Variants in LMBR1L observed in about 807,000 individuals in gnomAD.
LMBR1L encodes limb development membrane protein 1 like.
Under a neutral mutation model 67.3 loss-of-function variants are expected in LMBR1L, and 47 were observed. That is an observed-to-expected ratio of 0.70 (90% confidence interval 0.55 to 0.89). LMBR1L has a LOEUF of 0.89. Ranked by LOEUF, LMBR1L falls within the 40% of genes least tolerant of loss-of-function variation. LMBR1L has a pLI of 0.00. For missense variants in LMBR1L, 533 were observed against 599.2 expected (o/e 0.89, Z 1.15); for synonymous variants, 247 against 250.3 (o/e 0.99, Z 0.13).
At chr12:49,098,220 C>A in intron 15 of LMBR1L, 115 bp from the exon 16 acceptor site, 1 of 1,116,706 alleles carries the variant, frequency 9.0e-7, no homozygotes, top group Admixed American at 2.1e-5. Flanking sequence ...GATAGGTTGG[C>A]CTCTCCCAAT....
At chr12:49,101,385 C>A (rs539678777) in intron 12 of LMBR1L, 62 bp from the exon 13 acceptor site, 132 of 1,604,608 alleles carry the variant, frequency 8.2e-5, no homozygotes, top group Non-Finnish European at 1.1e-4. Flanking sequence ...CGGCACCCAG[C>A]CTTCCCACTG....
intron 15 of LMBR1L, among the ~76,000 whole-genome samples, chr12:49,099,828 G>A (rs956764294): frequency 2.0e-5 from 3 of 152,060 alleles, no homozygotes; most frequent in Admixed American, 2.0e-4. Flanking sequence ...TGATCCGCCC[G>A]CCTTGGCCTC....
chr12:49,103,601 C>T (rs944295245), intron 6 of LMBR1L, 86 bp downstream of exon 6: 2 of 1,485,432 alleles, frequency 1.3e-6, no homozygotes, highest in Non-Finnish European at 1.8e-6. Context: ...CAACATTTTC[C>T]ACTTTAGAAG....
At position 49,097,723 on chromosome 12, in the gene LMBR1L, C is replaced by A. The variant is rs575143385; in HGVS notation, c.1419G>T (p.Pro473=). ...LIRAFGLDRL[P]LPVSGFPQAS... The stretch of plus-strand genomic sequence containing the variant: ...CCTGGGGGAAACCGGAGACGGGCAG[C>A]GGCAGTCTGTCCAGCCCTGGAGAAG... Residue 473 remains proline (P), a synonymous_variant, in exon 17 of 17, where the codon CCG becomes CCT. Coordinates refer to ENST00000267102, the MANE Select transcript of LMBR1L (RefSeq NM_018113.4). 6.2e-7 allele frequency: 1 copy of A among 1,613,942 alleles called. No individual in the cohort carries two copies.
In LMBR1L at chr12:49,105,977, G is replaced by A. The variant is rs376068573; in HGVS notation, c.158-20C>T. The A allele has an allele frequency of 1.0e-4, 164 of 1,611,520 alleles. 2 individuals carry two copies. The highest frequency in any genetic ancestry group is 4.4e-4 in the Admixed American group (26 of 59,600). ...CATCCACTGTAAGAGACAGAGGCAC[G>A]GGGAACAGGCAGGAGGACATCAGGG... On this transcript the variant is annotated intron_variant, in intron 2 of 16. Coordinates refer to ENST00000267102, the MANE Select transcript of LMBR1L (RefSeq NM_018113.4).
Position 49,098,102 on chromosome 12 carries a change from A to G in LMBR1L, c.1244T>C (p.Leu415Pro). 6.2e-7 allele frequency: 1 copy of G among 1,612,544 alleles called. No homozygotes were observed. Among genetic ancestry groups the G allele is most frequent in the Non-Finnish European group, 8.5e-7 (1 of 1,178,770 alleles). ...GTCACCCAGCAGGTCAAAGCGAGTG[A>G]GCCCTGAAGCACAAAGGCCAGGATG... ...ALPVFSRTLG[L>P]TRFDLLGDFG... The change falls in exon 16 of 17, where the codon CTC becomes CCC. Residue 415 changes from leucine (L) to proline (P), a missense_variant. By Grantham distance (98) the Leu-to-Pro change is moderately conservative. Around this residue, in one of 3 missense-constraint regions of LMBR1L, gnomAD observed 223 missense variants for 241.2 expected, o/e 0.92. Coordinates refer to ENST00000267102, the MANE Select transcript of LMBR1L (RefSeq NM_018113.4).
At position 49,097,557 on chromosome 12, in the gene LMBR1L, G is replaced by T; in HGVS notation, c.*115C>A. Reference sequence around the variant, plus strand: ...AGTGCAGATGGCTCTGCTCCCCTCTGCCACCCACCCTCTCAGATTCCAGGT... The same window carrying T: ...AGTGCAGATGGCTCTGCTCCCCTCTTCCACCCACCCTCTCAGATTCCAGGT... On this transcript the variant is annotated 3_prime_UTR_variant, in exon 17 of 17. Transcript: ENST00000267102. 1 of 1,068,138 alleles carries T rather than the reference G, an allele frequency of 9.4e-7. No individual in the cohort carries two copies. 66.2% of individuals were successfully genotyped at this position (1,068,138 alleles called of 1,614,324 possible). A position where few individuals can be genotyped will look rare whatever the true frequency, so the allele number is the denominator to read the frequency against.
In LMBR1L at chr12:49,110,613, G is replaced by A. The variant is rs959421227; in HGVS notation, c.-58C>T. ...TCTGGGCCCGGGGAGGACGAGCGGGGAGGAAGCCGCCGCCGCCAAGCACCC... is the reference window on the plus strand; with the variant it reads ...TCTGGGCCCGGGGAGGACGAGCGGGAAGGAAGCCGCCGCCGCCAAGCACCC... On this transcript the variant is annotated 5_prime_UTR_variant, in exon 1 of 17. Coordinates refer to ENST00000267102, the MANE Select transcript of LMBR1L (RefSeq NM_018113.4). 5 of 1,525,640 alleles carry A rather than the reference G, an allele frequency of 3.3e-6. No homozygotes were observed. The African/African-American group carries it at 6.8e-5, about 21-fold the overall frequency. 94.5% of individuals were successfully genotyped at this position (1,525,640 alleles called of 1,614,324 possible).
In LMBR1L at chr12:49,102,153, G is replaced by A; in HGVS notation, c.897C>T (p.Tyr299=). 2 of 1,614,176 alleles carry A rather than the reference G, an allele frequency of 1.2e-6. No homozygotes were observed. The highest frequency in any genetic ancestry group is 1.7e-6 in the Non-Finnish European group (2 of 1,180,032). ...KASAWQRNLG[Y]PLAMLCLLVL... ...CCAGCAAGCACAGCATAGCCAGGGG[G>A]TAGCCCAGGTTCCGTTGCCAGGCTG... is the stretch of plus-strand genomic sequence containing the variant. The change falls in exon 11 of 17, where the codon TAC becomes TAT. Residue 299 remains tyrosine (Y), a synonymous_variant. Coordinates refer to ENST00000267102, the MANE Select transcript of LMBR1L (RefSeq NM_018113.4).
chr12:49,109,264 G>A (rs1941270835), intron 1 of LMBR1L, among the ~76,000 whole-genome samples: 1 of 152,168 alleles, frequency 6.6e-6, no homozygotes, highest in African/African-American at 2.4e-5. Flanking sequence ...CTGTTCTCTA[G>A]GAATTTGAGC....
chr12:49,105,011 G>A, intron 3 of LMBR1L, 126 bp from the exon 4 acceptor site: 1 of 1,077,752 alleles, frequency 9.3e-7, no homozygotes, highest in Non-Finnish European at 1.3e-6. Flanking sequence ...CAGAGCTAAG[G>A]AAGGAGCTGT....
At position 49,097,449 on chromosome 12, in the gene LMBR1L, C is replaced by T; in HGVS notation, c.*223G>A. ...GGATCAGGGGCTAGACCCAGTCACC[C>T]AGCCCTACCCCATGCTGAGGCCACA... On this transcript the variant is annotated 3_prime_UTR_variant, in exon 17 of 17. Coordinates refer to ENST00000267102, the MANE Select transcript of LMBR1L (RefSeq NM_018113.4). The T allele has an allele frequency of 3.5e-6, 2 of 572,576 alleles. No homozygotes were observed. The highest frequency in any genetic ancestry group is 6.3e-6 in the Non-Finnish European group (2 of 318,942). 35.5% of individuals were successfully genotyped at this position (572,576 alleles called of 1,614,324 possible).
At chr12:49,107,309 A>C (rs979754979) in intron 1 of LMBR1L, among the ~76,000 whole-genome samples, 1 of 152,236 alleles carries the variant, frequency 6.6e-6, no homozygotes, top group Non-Finnish European at 1.5e-5. Context: ...CAAGGACTTC[A>C]TTGGGAGAAA....
intron 13 of LMBR1L, 57 bp downstream of exon 13, chr12:49,101,193 G>C (rs1346655834): frequency 1.9e-6 from 3 of 1,613,694 alleles, no homozygotes; most frequent in Non-Finnish European, 2.5e-6. Context: ...GCTCGGTCTA[G>C]AGTCCCAGGA....
rs761252923 is a variant in LMBR1L at position 49,102,970 on chromosome 12, G to A, written c.632-19C>T. Reference sequence around the variant, plus strand: ...GTACACACTGTAGGGACAAGAGCCAGTCACTTGCCAGACCCTGCTCTCCAC... The same window carrying A: ...GTACACACTGTAGGGACAAGAGCCAATCACTTGCCAGACCCTGCTCTCCAC... On this transcript the variant is annotated intron_variant, in intron 7 of 16. Transcript: ENST00000267102. The A allele has an allele frequency of 6.8e-6, 11 of 1,613,610 alleles. No individual in the cohort carries two copies. Among genetic ancestry groups the A allele is most frequent in the Non-Finnish European group, 9.3e-6 (11 of 1,179,578 alleles).
At chr12:49,100,184 A>C (rs556175539) in intron 15 of LMBR1L, among the ~76,000 whole-genome samples, 2 of 152,364 alleles carry the variant, frequency 1.3e-5, no homozygotes, top group South Asian at 2.1e-4. Context: ...GGGATGTAGC[A>C]AATGTAAAAA....
In LMBR1L at chr12:49,100,537, C is replaced by A; in HGVS notation, c.1173+19G>T. The A allele has an allele frequency of 6.2e-7, 1 of 1,612,388 alleles. No homozygotes were observed. Among genetic ancestry groups the A allele is most frequent in the Non-Finnish European group, 8.5e-7 (1 of 1,178,432 alleles). On this transcript the variant is annotated intron_variant, in intron 14 of 16. Coordinates refer to ENST00000267102, the MANE Select transcript of LMBR1L (RefSeq NM_018113.4). Reference sequence around the variant, plus strand: ...CCATCCACACCCCCCGGGAGCTTCCCTTACTCCCTCCCAGCTACCTGCGTC... The same window carrying A: ...CCATCCACACCCCCCGGGAGCTTCCATTACTCCCTCCCAGCTACCTGCGTC...
At chr12:49,102,566 T>A in intron 8 of LMBR1L, 26 bp from the exon 9 acceptor site, 3 of 1,610,484 alleles carry the variant, frequency 1.9e-6, no homozygotes, top group Non-Finnish European at 2.5e-6. Flanking sequence ...AGGAAGAGAC[T>A]AACTGTCAGA....
Position 49,104,731 on chromosome 12 carries a change from C to T in LMBR1L, c.331+15G>A. On this transcript the variant is annotated intron_variant, in intron 4 of 16. Transcript: ENST00000267102. ...TCCCTATCCCTACCCCAAGCAGCTTCCAGGAGCCACACACCATGGATGAGG... is the reference window on the plus strand; with the variant it reads ...TCCCTATCCCTACCCCAAGCAGCTTTCAGGAGCCACACACCATGGATGAGG... The T allele has an allele frequency of 1.2e-6, 2 of 1,613,154 alleles. No individual in the cohort carries two copies. The highest frequency in any genetic ancestry group is 8.5e-7 in the Non-Finnish European group (1 of 1,179,584).
Sources: allele counts gnomAD v4.1 joint callset (sites outside exome capture counted in the v4.1 genomes callset), GRCh38; gene constraint gnomAD v4.1.1; regional missense constraint gnomAD v4.1.1; transcripts MANE v1.5; gene names NCBI Gene and HGNC (gene_info 2026-07-23, HGNC 2026-07-21).